Variants in TMEM244 observed in about 807,000 individuals in gnomAD.
TMEM244 encodes the protein transmembrane protein 244.
A neutral mutation model predicts 15.8 loss-of-function variants in TMEM244; 13 were observed. The ratio of observed to expected loss-of-function variants is 0.82; its 90% CI spans 0.53 to 1.30. The LOEUF is 1.30. Among genes scored for constraint, TMEM244 ranks in the 50% most tolerant of loss-of-function variants. The pLI is 0.00. For missense variants in TMEM244, 161 were observed against 144.9 expected, an observed-to-expected ratio of 1.11 and a Z score of -0.57; for synonymous variants, 45 against 48.7, an observed-to-expected ratio of 0.92 and a Z score of 0.32.
At chr6:129,842,498 T>C (rs910241405) in intron 3 of TMEM244, among the ~76,000 whole-genome samples, 1 of 152,158 alleles carries the variant, frequency 6.6e-6, no homozygotes, top group African/African-American at 2.4e-5. Context: ...AAGTTTCCTA[T>C]ACAAATTATA....
chr6:129,840,465 C>A (rs1017057490), intron 3 of TMEM244, among the ~76,000 whole-genome samples: 2 of 152,148 alleles, frequency 1.3e-5, no homozygotes, highest in African/African-American at 4.8e-5. Context: ...AGACCTAACA[C>A]CATAAAAACC....
In TMEM244 at chr6:129,850,799, A is replaced by T. The variant is rs1776627885; in HGVS notation, c.34-4947T>A. On this transcript the variant is annotated intron_variant, in intron 1 of 4. Coordinates refer to ENST00000368143, the MANE Select transcript of TMEM244 (RefSeq NM_001010876.2). ...GTTCATACTACGTCTTAGAAGTACAAAAGGTAATTTATTTACAAGACATCT... is the reference window on the plus strand; with the variant it reads ...GTTCATACTACGTCTTAGAAGTACATAAGGTAATTTATTTACAAGACATCT... Among the ~76,000 whole-genome samples the T allele has an allele frequency of 2.0e-5, 3 of 152,198 alleles. No individual in the cohort carries two copies. The South Asian group carries it at 6.2e-4, about 32-fold the overall frequency.
intron 1 of TMEM244, among the ~76,000 whole-genome samples, chr6:129,846,934 C>T (rs758821816): frequency 7.9e-5 from 12 of 152,080 alleles, no homozygotes; most frequent in African/African-American, 1.2e-4. Flanking sequence ...TGAAAATAGT[C>T]TAACTTCTAA....
chr6:129,846,708 C>T (rs568081901), intron 1 of TMEM244, among the ~76,000 whole-genome samples: 94 of 152,154 alleles, frequency 6.2e-4, no homozygotes, highest in African/African-American at 2.2e-3. Context: ...TACTTTTGCA[C>T]CAACCTATAG....
chr6:129,835,765 T>C (rs9402179), intron 3 of TMEM244, among the ~76,000 whole-genome samples: 56,160 of 152,098 alleles, frequency 0.37, 10,815 homozygotes, highest in South Asian at 0.5. Context: ...CCATGCCTGG[T>C]TCGGCAGGTC....
At chr6:129,854,554 G>A (rs1412022778) in intron 1 of TMEM244, among the ~76,000 whole-genome samples, 2 of 152,132 alleles carry the variant, frequency 1.3e-5, no homozygotes, top group African/African-American at 4.8e-5. Flanking sequence ...TTGTCTAGAT[G>A]AGCTCACTCA....
intron 1 of TMEM244, among the ~76,000 whole-genome samples, chr6:129,859,627 A>G (rs1776772444): frequency 6.6e-6 from 1 of 152,252 alleles, no homozygotes; most frequent in Non-Finnish European, 1.5e-5. Flanking sequence ...ACAGTTTAGC[A>G]GTCCTCATAC....
chr6:129,850,247 G>A (rs981616605), intron 1 of TMEM244, among the ~76,000 whole-genome samples: 11 of 152,140 alleles, frequency 7.2e-5, no homozygotes, highest in African/African-American at 2.7e-4. Context: ...GGTAGGAGAG[G>A]TTTAAAGAGC....
At chr6:129,832,437 T>A (rs557628232) in intron 4 of TMEM244, among the ~76,000 whole-genome samples, 8 of 152,140 alleles carry the variant, frequency 5.3e-5, no homozygotes, top group Middle Eastern at 3.4e-3. Flanking sequence ...GCACTGAAAA[T>A]ATGACAGTGA....
chr6:129,849,147 T>G (rs1047617019), intron 1 of TMEM244, among the ~76,000 whole-genome samples: 1 of 151,966 alleles, frequency 6.6e-6, no homozygotes, highest in Non-Finnish European at 1.5e-5. Context: ...AAACTTTACA[T>G]AGAGATACAC....
At chr6:129,842,566 C>T (rs1776507299) in intron 3 of TMEM244, among the ~76,000 whole-genome samples, 1 of 140,280 alleles carries the variant, frequency 7.1e-6, no homozygotes, top group African/African-American at 2.8e-5. Flanking sequence ...TATTTGTACC[C>T]CAAAAATATT....
At chr6:129,861,018 A>C (rs1003760960) in intron 1 of TMEM244, 138 bp downstream of exon 1, 1 of 843,106 alleles carries the variant, frequency 1.2e-6, no homozygotes, top group Non-Finnish European at 1.9e-6. Flanking sequence ...GCCGTGCAGC[A>C]GAATGTTTTC....
chr6:129,836,374 G>T (rs1018844855), intron 3 of TMEM244, among the ~76,000 whole-genome samples: 9 of 152,102 alleles, frequency 5.9e-5, no homozygotes, highest in Non-Finnish European at 8.8e-5. Flanking sequence ...ATAGCAACAA[G>T]ATCAACAAAA....
chr6:129,853,916 G>A (rs949241264), intron 1 of TMEM244, among the ~76,000 whole-genome samples: 2 of 152,050 alleles, frequency 1.3e-5, no homozygotes, highest in African/African-American at 4.8e-5. Context: ...GGCTTGACGG[G>A]GCATAATTCA....
At chr6:129,845,057 T>C (rs9492398) in intron 2 of TMEM244, among the ~76,000 whole-genome samples, 1 of 152,068 alleles carries the variant, frequency 6.6e-6, no homozygotes, top group African/African-American at 2.4e-5. Flanking sequence ...AAAAATAATG[T>C]TTTACACTTA....
chr6:129,859,622 T>C (rs1428208389), intron 1 of TMEM244, among the ~76,000 whole-genome samples: 4 of 152,256 alleles, frequency 2.6e-5, no homozygotes, highest in African/African-American at 9.6e-5. Flanking sequence ...TCTGAACAGT[T>C]TAGCAGTCCT....
intron 2 of TMEM244, among the ~76,000 whole-genome samples, chr6:129,844,769 G>A (rs1028956968): frequency 3.9e-5 from 6 of 152,164 alleles, no homozygotes; most frequent in East Asian, 1.9e-4. Context: ...GCACGTGAGC[G>A]CCAGATACTT....
At chr6:129,859,071 G>A (rs1776760946) in intron 1 of TMEM244, among the ~76,000 whole-genome samples, 1 of 152,064 alleles carries the variant, frequency 6.6e-6, no homozygotes, top group Non-Finnish European at 1.5e-5. Context: ...TGGGATTACA[G>A]GCATGAGCCA....
chr6:129,845,633 TA>T (rs1776551040), intron 2 of TMEM244, 133 bp downstream of exon 2: 2 of 730,956 alleles, frequency 2.7e-6, no homozygotes, highest in Non-Finnish European at 4.5e-6. Context: ...AAAAAATAAA[TA>T]AAAGTAAGAA....
Sources: gnomAD v4.1 joint callset for allele counts (sites outside exome capture counted in the v4.1 genomes callset) on GRCh38, gnomAD v4.1.1 for gene constraint, MANE v1.5 for transcripts, NCBI Gene and HGNC (gene_info 2026-07-23, HGNC 2026-07-21) for gene names.